The following PIGU variants were observed in gnomAD, a reference collection of about 807,000 sequenced individuals.
The protein encoded by PIGU is phosphatidylinositol glycan anchor biosynthesis class U.
A neutral mutation model predicts 49.9 loss-of-function variants in PIGU; 24 were observed. That is an observed-to-expected ratio of 0.48 (90% confidence interval 0.35 to 0.68). The LOEUF is 0.68. Among genes scored for constraint, PIGU ranks in the 30% least tolerant of loss-of-function variants. PIGU has a pLI of 0.01. For synonymous variants in PIGU, 220 were observed against 205.7 expected, an observed-to-expected ratio of 1.07 and a Z score of -0.59; for missense variants, 490 against 532.6, an observed-to-expected ratio of 0.92 and a Z score of 0.79.
intron 10 of PIGU, among the ~76,000 whole-genome samples, chr20:34,581,309 T>C (rs749658129): frequency 5.3e-5 from 8 of 152,152 alleles, no homozygotes; most frequent in Non-Finnish European, 8.8e-5. Context: ...TTAATGCATG[T>C]AACACTGTGA....
intron 6 of PIGU, among the ~76,000 whole-genome samples, chr20:34,626,501 C>T (rs1427552130): frequency 2.6e-5 from 4 of 152,062 alleles, no homozygotes; most frequent in Admixed American, 2.0e-4. Flanking sequence ...CAGGGTCTCA[C>T]CATGTTGGCC....
intron 11 of PIGU, among the ~76,000 whole-genome samples, chr20:34,566,238 T>C (rs375311555): frequency 1.1e-4 from 17 of 152,370 alleles, no homozygotes; most frequent in Middle Eastern, 6.8e-3. Context: ...ACATGGACCC[T>C]GAAGTGAAGT....
intron 1 of PIGU, among the ~76,000 whole-genome samples, chr20:34,659,060 C>G (rs1164556991): frequency 2.1e-5 from 3 of 142,608 alleles, no homozygotes; most frequent in Non-Finnish European, 3.1e-5. Context: ...CCAGCTGCCC[C>G]GTCCGGGAGG....
intron 6 of PIGU, among the ~76,000 whole-genome samples, chr20:34,631,948 T>C (rs1985796422): frequency 6.7e-6 from 1 of 149,920 alleles, no homozygotes; most frequent in African/African-American, 2.4e-5. Context: ...CAAGTGACCC[T>C]CCTGCCTCAG....
chr20:34,591,499 C>T (rs772139327), intron 7 of PIGU, among the ~76,000 whole-genome samples: 2 of 152,132 alleles, frequency 1.3e-5, no homozygotes, highest in African/African-American at 2.4e-5. Flanking sequence ...TTTACAAAAA[C>T]ATCACATACT....
chr20:34,626,000 TA>T (rs1397300243), intron 6 of PIGU, among the ~76,000 whole-genome samples: 2 of 149,790 alleles, frequency 1.3e-5, no homozygotes, highest in Non-Finnish European at 3.0e-5. Context: ...TTACATTGTT[TA>T]AAAAAACATT....
At chr20:34,580,536 A>G (rs1404114421) in intron 10 of PIGU, among the ~76,000 whole-genome samples, 2 of 152,070 alleles carry the variant, frequency 1.3e-5, no homozygotes, top group Admixed American at 6.6e-5. Context: ...TGAAGCCTGC[A>G]CTCCCTAGTT....
chr20:34,619,426 T>G (rs1375772060), intron 6 of PIGU, among the ~76,000 whole-genome samples: 1 of 152,124 alleles, frequency 6.6e-6, no homozygotes, highest in Non-Finnish European at 1.5e-5. Flanking sequence ...ATCTGAATGA[T>G]TTTTTGGTGG....
At chr20:34,576,056 T>TGTAA (rs1240441040) in intron 10 of PIGU, among the ~76,000 whole-genome samples, 4 of 152,100 alleles carry the variant, frequency 2.6e-5, no homozygotes, top group Non-Finnish European at 5.9e-5. Flanking sequence ...AAACTGAGGC[T>TGTAA]ACACACCTAG....
chr20:34,666,411 A>G (rs1987092125), intron 1 of PIGU, among the ~76,000 whole-genome samples: 1 of 152,024 alleles, frequency 6.6e-6, no homozygotes. Context: ...CAACTAATAT[A>G]AGAGCTAAAT....
chr20:34,623,370 A>AT (rs1210861997), intron 6 of PIGU, among the ~76,000 whole-genome samples: 1 of 151,684 alleles, frequency 6.6e-6, no homozygotes, highest in African/African-American at 2.4e-5. Flanking sequence ...CAATCCGTAC[A>AT]TATCAGTGAT....
intron 4 of PIGU, chr20:34,643,555 T>C (rs924112309): frequency 6.6e-6 from 1 of 152,218 alleles, no homozygotes; most frequent in African/African-American, 2.4e-5. Context: ...TTTAACTACA[T>C]GGGTAGTACA....
At chr20:34,626,485 T>G (rs1390295702) in intron 6 of PIGU, among the ~76,000 whole-genome samples, 2 of 152,064 alleles carry the variant, frequency 1.3e-5, no homozygotes, top group Non-Finnish European at 1.5e-5. Context: ...GTATTTTTAG[T>G]AGAGACAGGG....
chr20:34,644,230 T>C lies in PIGU; in HGVS notation c.256-4A>G. 1 of 1,600,502 alleles carries C rather than the reference T, an allele frequency of 6.2e-7. No individual in the cohort carries two copies. Among genetic ancestry groups the C allele is most frequent in the Non-Finnish European group, 8.6e-7 (1 of 1,168,036 alleles). ...TAGCAGTGAGTGCATCAGTTATCTG[T>C]CAAAAGAAAGAGAAATAATAGGAAA... On this transcript the variant is annotated splice_polypyrimidine_tract_variant and splice_region_variant and intron_variant, in intron 3 of 11. Coordinates refer to ENST00000217446, the MANE Select transcript of PIGU (RefSeq NM_080476.5).
chr20:34,561,750 C>T (rs1008546106), intron 11 of PIGU, among the ~76,000 whole-genome samples: 6 of 152,046 alleles, frequency 3.9e-5, no homozygotes, highest in African/African-American at 1.4e-4. Flanking sequence ...CCGGCTCCAC[C>T]TCACCCCACG....
At chr20:34,586,243 C>T (rs1271132439) in intron 8 of PIGU, among the ~76,000 whole-genome samples, 5 of 152,156 alleles carry the variant, frequency 3.3e-5, no homozygotes, top group Non-Finnish European at 5.9e-5. Context: ...TGAAACTGAT[C>T]TCAATACACA....
At chr20:34,645,475 C>G in intron 2 of PIGU, 141 bp from the exon 3 acceptor site, 1 of 1,201,826 alleles carries the variant, frequency 8.3e-7, no homozygotes. Flanking sequence ...CTGTTCTACG[C>G]CAGCTGGCCG....
chr20:34,583,017 T>A (rs1241587364), intron 9 of PIGU, among the ~76,000 whole-genome samples: 2 of 152,214 alleles, frequency 1.3e-5, no homozygotes, highest in Non-Finnish European at 2.9e-5. Context: ...GCCTAGCCCA[T>A]GAAGGTTTTC....
intron 7 of PIGU, among the ~76,000 whole-genome samples, chr20:34,612,142 T>G (rs1272045642): frequency 6.6e-6 from 1 of 152,086 alleles, no homozygotes; most frequent in African/African-American, 2.4e-5. Flanking sequence ...ATAAAGAAAA[T>G]GTGGCATATA....
Sources: gnomAD v4.1 joint callset for allele counts (sites outside exome capture counted in the v4.1 genomes callset) on GRCh38, gnomAD v4.1.1 for gene constraint, MANE v1.5 for transcripts, NCBI Gene and HGNC (gene_info 2026-07-23, HGNC 2026-07-21) for gene names.